The following NHS variants were observed in gnomAD, a reference collection of about 807,000 sequenced individuals.
The protein encoded by NHS is actin remodeling regulator NHS.
In NHS, 5 loss-of-function variants were observed where a neutral mutation model predicts 72.5. That is an observed-to-expected ratio of 0.07 (90% confidence interval 0.04 to 0.14). NHS has a LOEUF of 0.14. Among genes scored for constraint, NHS ranks in the 10% least tolerant of loss-of-function variants. The pLI is 1.00. For missense variants in NHS, 1,072 were observed against 1,355.7 expected (o/e 0.79, Z 3.29); for synonymous variants, 464 against 547.7 (o/e 0.85, Z 2.13).
chrX:17,438,835 G>T (rs968601787), intron 1 of NHS, among the ~76,000 whole-genome samples: 6 of 110,963 alleles, frequency 5.4e-5, no homozygotes, highest in Non-Finnish European at 1.1e-4. Context: ...TTGGTTGGGA[G>T]GGGAGAGTGT....
intron 1 of NHS, among the ~76,000 whole-genome samples, chrX:17,431,152 C>T (rs1053378129): frequency 8.9e-6 from 1 of 111,945 alleles, no homozygotes; most frequent in Non-Finnish European, 1.9e-5. Context: ...CAGCAGTGCC[C>T]AGGCTGGCAG....
intron 1 of NHS, chrX:17,635,456 C>A (rs1338168863): frequency 2.1e-5 from 25 of 1,164,551 alleles, no homozygotes; most frequent in Admixed American, 7.8e-5. Flanking sequence ...CTCCATCCCC[C>A]CCGCCGTGCT....
rs1329209355 is a variant in NHS, at chrX:17,727,457, C to T, written c.3351C>T (p.Asn1117=). 39 of 1,211,606 alleles carry T rather than the reference C, an allele frequency of 3.2e-5. No homozygotes were observed. Among genetic ancestry groups the T allele is most frequent in the Non-Finnish European group, 4.2e-5 (38 of 895,297 alleles). ...PLHVFTHNKQ[N]TVGETLRSNP... is the part of the protein sequence containing the mutation. ...ATGTTTTTACTCATAATAAGCAGAA[C>T]ACAGTAGGAGAAACACTGAGGTCGA... Residue 1117 remains asparagine, a synonymous_variant, in exon 7 of 9, where the codon AAC becomes AAT. Transcript: ENST00000676302.
Position 17,725,684 on chromosome X carries a change from A to G in NHS, c.1578A>G (p.Ser526=), listed in dbSNP as rs1248437723. Residue 526 remains serine (S), a synonymous_variant, in exon 7 of 9, where the codon TCA becomes TCG. Coordinates refer to ENST00000676302, the MANE Select transcript of NHS (RefSeq NM_001291867.2). ...DAEPKVGAKP[S]AYEEGESFVG... ...AGCCCAAAGTTGGCGCTAAACCCTC[A>G]GCATATGAAGAGGGAGAGTCTTTTG... 8.3e-7 allele frequency: 1 copy of G among 1,211,170 alleles called. No homozygotes were observed. Among genetic ancestry groups the G allele is most frequent in the South Asian group, 1.8e-5 (1 of 56,907 alleles).
At chrX:17,443,757 C>T (rs1013240831) in intron 1 of NHS, among the ~76,000 whole-genome samples, 5 of 112,073 alleles carry the variant, frequency 4.5e-5, no homozygotes, top group South Asian at 3.8e-4. Flanking sequence ...CATTTTTATA[C>T]GTGTCGAAAT....
In NHS at chrX:17,443,920, A is replaced by G. The variant is rs754336189; in HGVS notation, c.565+67598A>G. On this transcript the variant is annotated intron_variant, in intron 1 of 8. Coordinates refer to ENST00000676302, the MANE Select transcript of NHS (RefSeq NM_001291867.2). ...TTACATGTGGGCTTCATTAATACAC[A>G]CACTCTGGCATGGCTTGTGCCTAAT... Among the ~76,000 whole-genome samples the G allele has an allele frequency of 3.6e-5, 4 of 112,139 alleles. No individual in the cohort carries two copies. In the East Asian group the frequency reaches 1.1e-3, roughly 32 times the overall value.
intron 3 of NHS, among the ~76,000 whole-genome samples, chrX:17,704,599 A>G (rs2066285557): frequency 9.0e-6 from 1 of 111,496 alleles, no homozygotes; most frequent in African/African-American, 3.3e-5. Context: ...CGCCCGGCCA[A>G]AATTTTTTAA....
chrX:17,606,257 A>G (rs939230833), intron 1 of NHS, among the ~76,000 whole-genome samples: 1 of 111,966 alleles, frequency 8.9e-6, no homozygotes, highest in African/African-American at 3.3e-5. Context: ...GCCTGAAGCT[A>G]TCCTCCTGGC....
At chrX:17,381,979 T>C (rs1336514884) in intron 1 of NHS, among the ~76,000 whole-genome samples, 1 of 112,603 alleles carries the variant, frequency 8.9e-6, no homozygotes, top group Non-Finnish European at 1.9e-5. Context: ...TGAAATCTCA[T>C]ACTGGTTTTG....
In NHS at chrX:17,538,189, C is replaced by G. The variant is rs1261037369; in HGVS notation, c.566-149553C>G. ...CCTCATCTGCAGGCTGGCAAGGTTC[C>G]TGGACTCATATAGTCTCACACCCTC... is the stretch of plus-strand genomic sequence containing the variant. On this transcript the variant is annotated intron_variant, in intron 1 of 8. Transcript: ENST00000676302. Among the ~76,000 whole-genome samples, 4 of 112,139 alleles carry G rather than the reference C, an allele frequency of 3.6e-5. No homozygotes were observed. In the East Asian group the frequency reaches 8.4e-4, roughly 24 times the overall value.
At chrX:17,530,208 C>T (rs1377918818) in intron 1 of NHS, among the ~76,000 whole-genome samples, 1 of 111,131 alleles carries the variant, frequency 9.0e-6, no homozygotes, top group African/African-American at 3.3e-5. Context: ...GGATTTAAAT[C>T]CCCTCCCCTC....
intron 1 of NHS, among the ~76,000 whole-genome samples, chrX:17,395,750 G>A (rs1436896055): frequency 8.9e-6 from 1 of 112,134 alleles, no homozygotes; most frequent in Non-Finnish European, 1.9e-5. Flanking sequence ...ACTTTTTCTG[G>A]TAGGCAGTTG....
chrX:17,552,710 G>A (rs56017474), intron 1 of NHS, among the ~76,000 whole-genome samples: 11,927 of 111,551 alleles, frequency 0.11, 1,518 homozygotes, highest in African/African-American at 0.36. Context: ...CCGAAGAATC[G>A]GAAGGCAGAG....
chrX:17,692,669 GT>G (rs767370854), intron 3 of NHS, among the ~76,000 whole-genome samples: 5 of 111,073 alleles, frequency 4.5e-5, no homozygotes, highest in Admixed American at 9.6e-5. Context: ...ATATTTTTTA[GT>G]TAACTGGTAG....
At chrX:17,441,642 C>T (rs942419887) in intron 1 of NHS, among the ~76,000 whole-genome samples, 1 of 111,407 alleles carries the variant, frequency 9.0e-6, no homozygotes, top group Admixed American at 9.5e-5. Flanking sequence ...CCCTCCTTTC[C>T]TCCTTCCAGT....
At chrX:17,416,429 C>T (rs1249793745) in intron 1 of NHS, among the ~76,000 whole-genome samples, 1 of 111,829 alleles carries the variant, frequency 8.9e-6, no homozygotes, top group Non-Finnish European at 1.9e-5. Flanking sequence ...GCTGTTGCTC[C>T]TGCTGCTTAA....
chrX:17,573,765 T>C (rs1332153297), intron 1 of NHS, among the ~76,000 whole-genome samples: 2 of 111,292 alleles, frequency 1.8e-5, no homozygotes, highest in Non-Finnish European at 3.8e-5. Flanking sequence ...GCATTCTGGT[T>C]TTTGGAATTT....
At chrX:17,408,425 A>G (rs1298683922) in intron 1 of NHS, among the ~76,000 whole-genome samples, 1 of 111,646 alleles carries the variant, frequency 9.0e-6, no homozygotes, top group Non-Finnish European at 1.9e-5. Flanking sequence ...TGTTTGTGGT[A>G]TTGAAGCAAT....
chrX:17,411,266 C>T (rs1004207670), intron 1 of NHS, among the ~76,000 whole-genome samples: 5 of 111,716 alleles, frequency 4.5e-5, no homozygotes, highest in African/African-American at 1.6e-4. Flanking sequence ...GGATTTCTTA[C>T]GTAGCTATAA....
Sources: gnomAD v4.1 joint callset for allele counts (sites outside exome capture counted in the v4.1 genomes callset) on GRCh38, gnomAD v4.1.1 for gene constraint, MANE v1.5 for transcripts, NCBI Gene and HGNC (gene_info 2026-07-23, HGNC 2026-07-21) for gene names.